The following NRXN3 variants were observed in gnomAD, a reference collection of about 807,000 sequenced individuals.
NRXN3 encodes neurexin 3.
In NRXN3, 32 loss-of-function variants were observed where a neutral mutation model predicts 137.6. That is an observed-to-expected ratio of 0.23 (90% CI 0.18 to 0.31). The LOEUF is 0.31. Among genes scored for constraint, NRXN3 ranks in the 10% least tolerant of loss-of-function variants. The pLI, the probability that NRXN3 is intolerant of heterozygous loss-of-function variation, is 1.00. For synonymous variants in NRXN3, 798 were observed against 784.5 expected, an observed-to-expected ratio of 1.02 and a Z score of -0.29; for missense variants, 1,574 against 2,062.5, an observed-to-expected ratio of 0.76 and a Z score of 4.59.
chr14:78,247,381 T>G (rs2067853424), intron 2 of NRXN3, among the ~76,000 whole-genome samples: 1 of 152,216 alleles, frequency 6.6e-6, no homozygotes, highest in Non-Finnish European at 1.5e-5. Flanking sequence ...TTTCATTTGG[T>G]GAGACTGTTA....
intron 16 of NRXN3, among the ~76,000 whole-genome samples, chr14:79,532,939 C>T (rs1488352691): frequency 6.6e-6 from 1 of 152,048 alleles, no homozygotes; most frequent in Non-Finnish European, 1.5e-5. Context: ...AAAATCTTTC[C>T]AATTAGGAAC....
At chr14:79,488,017 T>G (rs1488880891) in intron 16 of NRXN3, among the ~76,000 whole-genome samples, 2 of 152,082 alleles carry the variant, frequency 1.3e-5, no homozygotes. Context: ...ACAGGAGAGA[T>G]GTGATAATTA....
At chr14:78,790,441 C>T (rs879161759) in intron 8 of NRXN3, among the ~76,000 whole-genome samples, 5 of 152,182 alleles carry the variant, frequency 3.3e-5, no homozygotes, top group African/African-American at 1.2e-4. Flanking sequence ...CATCACCCCA[C>T]ATCCATTTTG....
rs980966471 is a variant in NRXN3 at position 78,190,135 on chromosome 14, C to T, written c.-704+19461C>T. Among the ~76,000 whole-genome samples the T allele has an allele frequency of 3.3e-5, 5 of 152,194 alleles. 1 individual carries two copies. The highest frequency in any genetic ancestry group is 3.9e-4 in the East Asian group (2 of 5,186). On this transcript the variant is annotated intron_variant, in intron 1 of 20. Coordinates refer to ENST00000335750, the MANE Select transcript of NRXN3 (RefSeq NM_001330195.2). Reference sequence around the variant, plus strand: ...ACCTGCTGAATGAACAAATACCTTTCCTTCCCTCTTCCACAATTGAGGCAC... The same window carrying T: ...ACCTGCTGAATGAACAAATACCTTTTCTTCCCTCTTCCACAATTGAGGCAC...
intron 10 of NRXN3, among the ~76,000 whole-genome samples, chr14:78,854,210 G>A (rs1443957879): frequency 6.6e-6 from 1 of 152,106 alleles, no homozygotes; most frequent in East Asian, 1.9e-4. Flanking sequence ...CTAATTTTTA[G>A]TAGCTGTCAT....
At chr14:78,524,996 G>A (rs572806266) in intron 4 of NRXN3, among the ~76,000 whole-genome samples, 3 of 152,146 alleles carry the variant, frequency 2.0e-5, no homozygotes, top group Admixed American at 2.0e-4. Flanking sequence ...TCCTCTTAAC[G>A]GCATGTGTTC....
intron 15 of NRXN3, among the ~76,000 whole-genome samples, chr14:79,139,078 G>A (rs1228468104): frequency 6.6e-6 from 1 of 152,182 alleles, no homozygotes; most frequent in African/African-American, 2.4e-5. Context: ...CAAGGCCAAT[G>A]GCTTTGTCAG....
chr14:79,186,302 G>A (rs1474496708), intron 15 of NRXN3, among the ~76,000 whole-genome samples: 1 of 151,912 alleles, frequency 6.6e-6, no homozygotes, highest in Non-Finnish European at 1.5e-5. Flanking sequence ...ATAGGGTTGT[G>A]TACAAATTTT....
intron 4 of NRXN3, among the ~76,000 whole-genome samples, chr14:78,309,283 G>A (rs554175044): frequency 1.3e-5 from 2 of 149,792 alleles, no homozygotes; most frequent in South Asian, 4.3e-4. Context: ...TTTGAGAAAC[G>A]CTAATAATGT....
chr14:79,857,566 A>G (rs2141878600), intron 20 of NRXN3, among the ~76,000 whole-genome samples: 1 of 146,358 alleles, frequency 6.8e-6, no homozygotes, highest in Non-Finnish European at 1.5e-5. Context: ...GGAGAAATAC[A>G]TCACTTTCTC....
chr14:78,579,691 T>C (rs2096973419), intron 4 of NRXN3, among the ~76,000 whole-genome samples: 1 of 152,182 alleles, frequency 6.6e-6, no homozygotes, highest in African/African-American at 2.4e-5. Flanking sequence ...CTCCATTATC[T>C]CAACTGGCTA....
chr14:78,415,610 T>C (rs1040897020), intron 4 of NRXN3, among the ~76,000 whole-genome samples: 8 of 152,144 alleles, frequency 5.3e-5, no homozygotes, highest in African/African-American at 1.9e-4. Context: ...GTGACTAGAT[T>C]TCAAGTTCTC....
At chr14:79,036,719 T>A (rs1354016379) in intron 15 of NRXN3, among the ~76,000 whole-genome samples, 2 of 151,032 alleles carry the variant, frequency 1.3e-5, no homozygotes, top group Non-Finnish European at 2.9e-5. Flanking sequence ...CTTGGCTTTC[T>A]TGGTGACGTT....
rs34107894 is a variant in NRXN3, at chr14:79,741,801, T to TACACAC, written c.4014+43888_4014+43893dup. 2.1e-3 allele frequency among the ~76,000 whole-genome samples: 307 copies of TACACAC among 146,912 alleles called. 1 individual carries two copies. Among genetic ancestry groups the TACACAC allele is most frequent in the Admixed American group, 4.1e-3 (60 of 14,618 alleles). ...ATACCTGGCCAAAATGTGTATACAT[T>TACACAC]ACACACACACACACACACACACACA... On this transcript the variant is annotated intron_variant, in intron 19 of 20. Transcript: ENST00000335750.
chr14:78,378,983 C>T (rs1322923105), intron 4 of NRXN3, among the ~76,000 whole-genome samples: 1 of 151,894 alleles, frequency 6.6e-6, no homozygotes, highest in African/African-American at 2.4e-5. Flanking sequence ...TAAAAGAATA[C>T]TGCAAAGCAA....
At chr14:79,416,119 G>A (rs2095492959) in intron 15 of NRXN3, among the ~76,000 whole-genome samples, 1 of 152,060 alleles carries the variant, frequency 6.6e-6, no homozygotes, top group East Asian at 1.9e-4. Flanking sequence ...ATTTTTTAAT[G>A]ATTCCAAAGG....
At chr14:78,183,313 C>T (rs990129852) in intron 1 of NRXN3, among the ~76,000 whole-genome samples, 1 of 152,094 alleles carries the variant, frequency 6.6e-6, no homozygotes, top group African/African-American at 2.4e-5. Flanking sequence ...TAGTGAGATG[C>T]TTGTTACTTG....
chr14:78,656,961 G>A lies in NRXN3; in HGVS notation c.1221+5635G>A, dbSNP rs183313441. 2.7e-3 allele frequency among the ~76,000 whole-genome samples: 407 copies of A among 149,942 alleles called. 2 individuals are homozygous for A. The highest frequency in any genetic ancestry group is 9.7e-3 in the African/African-American group (395 of 40,526). ...ACTTGAGAGGCTGAGGCAGGAGAAC[G>A]GTGTGAACCCGGGAGGGGCAGCTTG... On this transcript the variant is annotated intron_variant, in intron 6 of 20. Coordinates refer to ENST00000335750, the MANE Select transcript of NRXN3 (RefSeq NM_001330195.2).
At chr14:78,687,016 C>A (rs1256303288) in intron 6 of NRXN3, among the ~76,000 whole-genome samples, 1 of 151,962 alleles carries the variant, frequency 6.6e-6, no homozygotes, top group Non-Finnish European at 1.5e-5. Context: ...AAATAAAGCA[C>A]AATGAGGGAG....
Sources: allele counts gnomAD v4.1 joint callset (sites outside exome capture counted in the v4.1 genomes callset), GRCh38; gene constraint gnomAD v4.1.1; transcripts MANE v1.5; gene names NCBI Gene and HGNC (gene_info 2026-07-23, HGNC 2026-07-21).